Variants in TCF7 observed in about 807,000 individuals in gnomAD.
TCF7 encodes T-cell-factor-7.
TCF7 carries 19 observed loss-of-function variants against 46.8 expected under a neutral mutation model. That is an observed-to-expected ratio of 0.41 (90% CI 0.28 to 0.60). TCF7 has a LOEUF of 0.60. Among genes scored for constraint, TCF7 ranks in the 20% least tolerant of loss-of-function variants. The pLI is 0.35. For synonymous variants in TCF7, 245 were observed against 213.4 expected, an observed-to-expected ratio of 1.15 and a Z score of -1.29; for missense variants, 547 against 504.6, an observed-to-expected ratio of 1.08 and a Z score of -0.81.
Position 134,114,871 on chromosome 5 carries a change from G to A in TCF7, c.-36G>A. The A allele has an allele frequency of 1.0e-6, 1 of 984,032 alleles. No homozygotes were observed. The highest frequency in any genetic ancestry group is 1.2e-6 in the Non-Finnish European group (1 of 830,882). 61.0% of individuals were successfully genotyped at this position (984,032 alleles called of 1,614,324 possible). A position where few individuals can be genotyped will look rare whatever the true frequency, so the allele number is the denominator to read the frequency against. On this transcript the variant is annotated 5_prime_UTR_variant, in exon 1 of 10. Transcript: ENST00000342854. ...CGGCTCCGCGCCCCGCACTCCCGGC[G>A]CCCAGCGCCCCGCGCCCCGGCGGGC...
chr5:134,138,071 C>A lies in TCF7; in HGVS notation c.454C>A (p.Gln152Lys). 6.2e-7 allele frequency: 1 copy of A among 1,601,400 alleles called. No individual in the cohort carries two copies. The change falls in exon 4 of 10, where the codon CAG becomes AAG. Residue 152 changes from glutamine to lysine, a missense_variant. Physicochemically the swap from Gln to Lys is moderately conservative, Grantham distance 53. This residue lies in a region of TCF7 where 425 missense variants were observed against 349.9 expected (regional missense o/e 1.21). Coordinates refer to ENST00000342854, the MANE Select transcript of TCF7 (RefSeq NM_003202.5). The stretch of plus-strand genomic sequence containing the variant: ...TCTCATTTTTCAGCACAAGGCCAAT[C>A]AGCCCCCCCACGGTGTCCCCCAACT... ...QPQPPLHKAN[Q>K]PPHGVPQLSL...
At chr5:134,116,813 T>G (rs1258129669) in intron 3 of TCF7, among the ~76,000 whole-genome samples, 1 of 152,382 alleles carries the variant, frequency 6.6e-6, no homozygotes, top group East Asian at 1.9e-4. Flanking sequence ...GCTGCGCTTT[T>G]AAAGAAATTC....
At chr5:134,121,039 T>TGGA (rs1200649367) in intron 3 of TCF7, among the ~76,000 whole-genome samples, 1 of 152,152 alleles carries the variant, frequency 6.6e-6, no homozygotes, top group African/African-American at 2.4e-5. Flanking sequence ...CGGAGGGGTC[T>TGGA]GGAGGTCTGA....
At chr5:134,135,218 C>T (rs1361551649) in intron 3 of TCF7, among the ~76,000 whole-genome samples, 2 of 152,216 alleles carry the variant, frequency 1.3e-5, no homozygotes, top group Non-Finnish European at 2.9e-5. Context: ...CCTCAGCCTC[C>T]CAAAGTGCTG....
Position 134,146,821 on chromosome 5 carries a change from G to GA in TCF7, c.*518_*519insA. 2.3e-6 allele frequency: 1 copy of GA among 431,520 alleles called. No homozygotes were observed. Among genetic ancestry groups the GA allele is most frequent in the Non-Finnish European group, 4.2e-6 (1 of 240,718 alleles). The allele number at this position is 431,520 out of a possible 1,614,324, so 26.7% of individuals were successfully genotyped here. A position where few individuals can be genotyped will look rare whatever the true frequency, so the allele number is the denominator to read the frequency against. On this transcript the variant is annotated 3_prime_UTR_variant, in exon 10 of 10. Coordinates refer to ENST00000342854, the MANE Select transcript of TCF7 (RefSeq NM_003202.5). ...CCAGCCAGAAGCCTCTGCCTCCCTAGCTTTTCTGCTATAGGTCAGAGATGG... is the reference window on the plus strand; with the variant it reads ...CCAGCCAGAAGCCTCTGCCTCCCTAGACTTTTCTGCTATAGGTCAGAGATGG...
intron 9 of TCF7, chr5:134,145,961 C>G: frequency 1.4e-6 from 2 of 1,475,276 alleles, no homozygotes; most frequent in Non-Finnish European, 1.8e-6. Flanking sequence ...AGAGATGACT[C>G]CCTTGGAAGA....
At chr5:134,118,619 G>C (rs569500025) in intron 3 of TCF7, among the ~76,000 whole-genome samples, 2 of 152,076 alleles carry the variant, frequency 1.3e-5, no homozygotes, top group Non-Finnish European at 2.9e-5. Context: ...TTCCAAAAAG[G>C]TTCCTTCTTT....
chr5:134,146,655 AGGACTTCTGCCT>A lies in TCF7; in HGVS notation c.*354_*365del, dbSNP rs1760753088. The A allele has an allele frequency of 3.1e-6, 2 of 654,852 alleles. No individual in the cohort carries two copies. Among genetic ancestry groups the A allele is most frequent in the African/African-American group, 1.8e-5 (1 of 54,422 alleles). The allele number at this position is 654,852 out of a possible 1,614,324, so 40.6% of individuals were successfully genotyped here. On this transcript the variant is annotated 3_prime_UTR_variant, in exon 10 of 10. Coordinates refer to ENST00000342854, the MANE Select transcript of TCF7 (RefSeq NM_003202.5). ...AGACCCTGAAGATTTCAGAGGCTGCAGGACTTCTGCCTGAACCTGGGGTCATCGATTCAAACT... is the reference window on the plus strand; with the variant it reads ...AGACCCTGAAGATTTCAGAGGCTGCAGAACCTGGGGTCATCGATTCAAACT...
intron 3 of TCF7, among the ~76,000 whole-genome samples, chr5:134,134,374 GC>G (rs1463070453): frequency 6.6e-6 from 1 of 152,260 alleles, no homozygotes; most frequent in Admixed American, 6.5e-5. Flanking sequence ...AGACTCGAAA[GC>G]CCCCCATGCT....
At chr5:134,144,380 G>A (rs1760351085) in intron 9 of TCF7, 1 of 240,106 alleles carries the variant, frequency 4.2e-6, no homozygotes, top group South Asian at 5.4e-5. Flanking sequence ...AGGAATGTAG[G>A]TCAAGAATGA....
chr5:134,118,356 C>A (rs1273958718), intron 3 of TCF7, among the ~76,000 whole-genome samples: 1 of 152,208 alleles, frequency 6.6e-6, no homozygotes. Flanking sequence ...GGCCCCCTTG[C>A]CCTTTGCCCG....
chr5:134,134,876 A>G (rs1363624382), intron 3 of TCF7, among the ~76,000 whole-genome samples: 2 of 152,240 alleles, frequency 1.3e-5, no homozygotes, highest in African/African-American at 4.8e-5. Context: ...TAAAGCACCC[A>G]TGGGAAGCCC....
chr5:134,140,033 C>T (rs1759502768), intron 5 of TCF7, among the ~76,000 whole-genome samples: 1 of 152,204 alleles, frequency 6.6e-6, no homozygotes, highest in Non-Finnish European at 1.5e-5. Flanking sequence ...GCCAGCAGTG[C>T]TGAAGACCAA....
chr5:134,123,729 T>C (rs1187574038), intron 3 of TCF7: 1 of 456,200 alleles, frequency 2.2e-6, no homozygotes, highest in South Asian at 1.5e-5. Context: ...GAGAAGCTGA[T>C]GGGCGCATGC....
At chr5:134,144,759 T>C (rs1760428630) in intron 9 of TCF7, 6 of 1,570,470 alleles carry the variant, frequency 3.8e-6, no homozygotes, top group Non-Finnish European at 5.3e-6. Context: ...CTGCTCGCCC[T>C]CTGCCCTGCT....
intron 5 of TCF7, 137 bp downstream of exon 5, chr5:134,139,175 C>T (rs1354397330): frequency 1.5e-6 from 2 of 1,356,408 alleles, no homozygotes; most frequent in Non-Finnish European, 2.0e-6. Context: ...GGCTGGCCAG[C>T]AACTCTGTCC....
At chr5:134,116,256 T>A (rs1755829927) in intron 3 of TCF7, among the ~76,000 whole-genome samples, 1 of 152,262 alleles carries the variant, frequency 6.6e-6, no homozygotes, top group Non-Finnish European at 1.5e-5. Context: ...TCTTGGCTTT[T>A]GTCTTCCCAG....
Position 134,143,047 on chromosome 5 carries a change from G to C in TCF7, c.973G>C (p.Glu325Gln). ...CAAGTACTATGAGCTGGCCCGCAAG[G>C]AGAGGCAGCTGCACATGCAGCTATA... ...QAKYYELARK[E>Q]RQLHMQLYPG... The change falls in exon 8 of 10, where the codon GAG becomes CAG. Residue 325 changes from glutamate (E) to glutamine (Q), a missense_variant. By Grantham distance (29) the Glu-to-Gln change is conservative (BLOSUM62 2). Around this residue, in one of 3 missense-constraint regions of TCF7, gnomAD observed 90 missense variants for 88.8 expected, o/e 1.01. Transcript: ENST00000342854. The C allele has an allele frequency of 6.2e-7, 1 of 1,611,924 alleles. No individual in the cohort carries two copies. The highest frequency in any genetic ancestry group is 8.5e-7 in the Non-Finnish European group (1 of 1,179,014).
intron 3 of TCF7, among the ~76,000 whole-genome samples, chr5:134,137,446 A>C (rs1382836740): frequency 1.6e-5 from 2 of 123,208 alleles, no homozygotes; most frequent in African/African-American, 2.9e-5. Context: ...AAAAAAAAAA[A>C]ACAGAGAAAA....
Sources: gnomAD v4.1 joint callset for allele counts (sites outside exome capture counted in the v4.1 genomes callset) on GRCh38, gnomAD v4.1.1 for gene constraint, gnomAD v4.1.1 regional missense constraint, MANE v1.5 for transcripts, NCBI Gene and HGNC (gene_info 2026-07-23, HGNC 2026-07-21) for gene names.